Variants in MAP3K13 observed in about 807,000 individuals in gnomAD.
The protein encoded by MAP3K13 is leucine zipper-bearing kinase.
A neutral mutation model predicts 104.0 loss-of-function variants in MAP3K13; 52 were observed. The observed-to-expected ratio is 0.50, with a 90% CI of 0.40 to 0.63. The LOEUF is 0.63. MAP3K13 is among the 20% of genes least tolerant of loss of function. The probability of loss-of-function intolerance (pLI) is 0.00; values close to 1 mark genes in which losing one functional copy is unlikely to be tolerated. For synonymous variants in MAP3K13, 394 were observed against 442.2 expected (o/e 0.89, Z 1.37); for missense variants, 914 against 1,218.5 (o/e 0.75, Z 3.72).
chr3:185,395,357 C>CTTTCTTTCTT (rs1553798321), intron 1 of MAP3K13, among the ~76,000 whole-genome samples: 6 of 69,978 alleles, frequency 8.6e-5, no homozygotes, highest in African/African-American at 2.1e-4. Flanking sequence ...AATATTATTT[C>CTTTCTTTCTT]TTTTTTTTTT....
At chr3:185,381,467 A>G (rs957198224) in intron 1 of MAP3K13, among the ~76,000 whole-genome samples, 1 of 152,248 alleles carries the variant, frequency 6.6e-6, no homozygotes, top group Non-Finnish European at 1.5e-5. Context: ...ATTTGCAGAC[A>G]TGCACACAAC....
At chr3:185,435,111 C>T (rs1714959064) in intron 2 of MAP3K13, among the ~76,000 whole-genome samples, 1 of 152,004 alleles carries the variant, frequency 6.6e-6, no homozygotes, top group African/African-American at 2.4e-5. Flanking sequence ...TCAAGCAATT[C>T]TCCTGCCTCA....
intron 1 of MAP3K13, among the ~76,000 whole-genome samples, chr3:185,416,716 C>A (rs1364620697): frequency 1.3e-5 from 2 of 152,018 alleles, no homozygotes; most frequent in East Asian, 1.9e-4. Context: ...GCAGCTTAGA[C>A]CCTCTGGGCT....
intron 2 of MAP3K13, among the ~76,000 whole-genome samples, chr3:185,297,439 A>C (rs1039914434): frequency 4.6e-5 from 7 of 152,156 alleles, no homozygotes; most frequent in African/African-American, 1.7e-4. Context: ...TTGGCAACTT[A>C]GAAATAGGTT....
rs1409287464 is a variant in MAP3K13, at chr3:185,455,391, T to TGATA, written c.1278+3996_1278+3997insGATA. 2.3e-3 allele frequency among the ~76,000 whole-genome samples: 65 copies of TGATA among 27,886 alleles called. 3 individuals are homozygous for TGATA. The highest frequency in any genetic ancestry group is 6.5e-3 in the African/African-American group (61 of 9,424). 18.3% of individuals were successfully genotyped at this position (27,886 alleles called of 152,430 possible). ...ATATATGATATATATGATATATATA[T>TGATA]CATATATGAGATATATATATGAGAT... On this transcript the variant is annotated intron_variant, in intron 7 of 13. Coordinates refer to ENST00000265026, the MANE Select transcript of MAP3K13 (RefSeq NM_004721.5).
chr3:185,409,397 T>C (rs781011375), intron 1 of MAP3K13, among the ~76,000 whole-genome samples: 48 of 152,078 alleles, frequency 3.2e-4, no homozygotes, highest in Admixed American at 5.9e-4. Context: ...AAGCTTAATA[T>C]CTCTGATTAT....
chr3:185,408,560 A>C (rs571711554), intron 1 of MAP3K13, among the ~76,000 whole-genome samples: 10 of 127,688 alleles, frequency 7.8e-5, no homozygotes, highest in Non-Finnish European at 1.6e-4. Flanking sequence ...AAACAGAGTG[A>C]GACTCCATCT....
chr3:185,395,052 C>T (rs533877672), intron 1 of MAP3K13, among the ~76,000 whole-genome samples: 4 of 151,908 alleles, frequency 2.6e-5, no homozygotes, highest in South Asian at 2.1e-4. Flanking sequence ...TTTTTTTGAA[C>T]GTGGGATATA....
intron 2 of MAP3K13, among the ~76,000 whole-genome samples, chr3:185,351,171 G>A (rs905314668): frequency 1.3e-5 from 2 of 152,128 alleles, no homozygotes; most frequent in African/African-American, 4.8e-5. Flanking sequence ...AGTACACATG[G>A]ACAATAGACA....
rs1721110629 is a variant in MAP3K13, at chr3:185,301,526, A to G, written c.-86+15883A>G. Among the ~76,000 whole-genome samples the G allele has an allele frequency of 1.3e-5, 2 of 152,272 alleles. 1 individual carries two copies. Among genetic ancestry groups the G allele is most frequent in the South Asian group, 4.1e-4 (2 of 4,826 alleles). ...TTTTCATGTCAATATCCAAATAATA[A>G]TTGCCAAACCCAATGTCATTAAGCT... On this transcript the variant is annotated intron_variant, in intron 2 of 14. Coordinates refer to the MAP3K13 transcript ENST00000424227.
Position 185,487,820 on chromosome 3 carries a change from A to G in MAP3K13, c.*5364A>G, listed in dbSNP as rs1241486401. 6.6e-6 allele frequency: 1 copy of G among 152,232 alleles called. No individual in the cohort carries two copies. Among genetic ancestry groups the G allele is most frequent in the Non-Finnish European group, 1.5e-5 (1 of 68,054 alleles). The allele number at this position is 152,232 out of a possible 1,614,324, so 9.4% of individuals were successfully genotyped here. A position where few individuals can be genotyped will look rare whatever the true frequency, so the allele number is the denominator to read the frequency against. ...ATCGTATCTTTCCTACTGAGCCTAG[A>G]CACAGCCTCAGAACCTCTCAACATA... On this transcript the variant is annotated 3_prime_UTR_variant, in exon 14 of 14. Transcript: ENST00000265026.
intron 1 of MAP3K13, among the ~76,000 whole-genome samples, chr3:185,366,483 T>C (rs1438353108): frequency 6.6e-6 from 1 of 152,242 alleles, no homozygotes; most frequent in African/African-American, 2.4e-5. Context: ...TTATGATTAC[T>C]ATATGTTTAA....
At chr3:185,328,955 A>G in intron 2 of MAP3K13, 1 of 389,414 alleles carries the variant, frequency 2.6e-6, no homozygotes, top group Non-Finnish European at 4.8e-6. Flanking sequence ...TTCAGACTTC[A>G]GCTTGGTGTA....
At chr3:185,353,791 A>G (rs1198209814) in intron 2 of MAP3K13, among the ~76,000 whole-genome samples, 3 of 152,194 alleles carry the variant, frequency 2.0e-5, no homozygotes, top group Non-Finnish European at 2.9e-5. Flanking sequence ...TACATTTGAT[A>G]TGGACCTTGG....
At chr3:185,379,208 G>A (rs145690384) in intron 1 of MAP3K13, among the ~76,000 whole-genome samples, 17 of 152,282 alleles carry the variant, frequency 1.1e-4, no homozygotes, top group African/African-American at 3.6e-4. Context: ...CCAATGGAAC[G>A]TGGGCGAATA....
intron 1 of MAP3K13, among the ~76,000 whole-genome samples, chr3:185,388,739 CA>C (rs1482419906): frequency 6.6e-6 from 1 of 151,948 alleles, no homozygotes; most frequent in Non-Finnish European, 1.5e-5. Flanking sequence ...CAATACTGAA[CA>C]AAAAGAACAA....
Position 185,391,655 on chromosome 3 carries a change from G to GT in MAP3K13, c.-86+28287_-86+28288insT, listed in dbSNP as rs140610465. 7.5e-3 allele frequency among the ~76,000 whole-genome samples: 1,147 copies of GT among 152,148 alleles called. 10 individuals carry two copies. Among genetic ancestry groups the GT allele is most frequent in the Admixed American group, 0.013 (202 of 15,288 alleles). On this transcript the variant is annotated intron_variant, in intron 1 of 13. Coordinates refer to ENST00000265026, the MANE Select transcript of MAP3K13 (RefSeq NM_004721.5). ...AGGAAATCAACAGATTTTTTTTAAT[G>GT]GTTGAGCAACAGCTGGAATCCATCA...
At chr3:185,323,040 T>C (rs1279753974) in intron 2 of MAP3K13, among the ~76,000 whole-genome samples, 5 of 152,216 alleles carry the variant, frequency 3.3e-5, no homozygotes, top group Non-Finnish European at 5.9e-5. Flanking sequence ...TGTTTGTTTA[T>C]TGGGAAAAAA....
chr3:185,320,055 T>C (rs1265814526), intron 2 of MAP3K13, among the ~76,000 whole-genome samples: 4 of 151,468 alleles, frequency 2.6e-5, no homozygotes, highest in Non-Finnish European at 5.9e-5. Flanking sequence ...CAAGATGGAG[T>C]AATGAAAACT....
Sources: allele counts gnomAD v4.1 joint callset (sites outside exome capture counted in the v4.1 genomes callset), GRCh38; gene constraint gnomAD v4.1.1; transcripts MANE v1.5; gene names NCBI Gene and HGNC (gene_info 2026-07-23, HGNC 2026-07-21).